The following FKBP5 variants were observed in gnomAD, a reference collection of about 807,000 sequenced individuals.
FKBP5 encodes FKBP prolyl isomerase 5.
A neutral mutation model predicts 50.5 loss-of-function variants in FKBP5; 23 were observed. The observed-to-expected ratio is 0.46, with a 90% CI of 0.33 to 0.65. The LOEUF is 0.65. Ranked by LOEUF, FKBP5 falls within the 30% of genes least tolerant of loss-of-function variation. The pLI is 0.02. For missense variants in FKBP5, 411 were observed against 553.1 expected, an observed-to-expected ratio of 0.74 and a Z score of 2.58; for synonymous variants, 176 against 190.6, an observed-to-expected ratio of 0.92 and a Z score of 0.63.
At chr6:35,596,507 AC>A (rs1452135645) in intron 6 of FKBP5, among the ~76,000 whole-genome samples, 1 of 152,178 alleles carries the variant, frequency 6.6e-6, no homozygotes, top group Non-Finnish European at 1.5e-5. Context: ...TCAGAATCCC[AC>A]TGTCTGAAAT....
rs1269365673 is a variant in FKBP5 at position 35,683,118 on chromosome 6, A to ATG, written c.-20+5685_-20+5686insCA. On this transcript the variant is annotated intron_variant, in intron 1 of 10. Transcript: ENST00000357266. The stretch of plus-strand genomic sequence containing the variant: ...AAAGTGTGTGTGTATATATATACGT[A>ATG]TATGTGTGTGTGTGTGTGTGTGTGT... Among the ~76,000 whole-genome samples the ATG allele has an allele frequency of 2.8e-3, 307 of 108,842 alleles. 27 individuals carry two copies. The highest frequency in any genetic ancestry group is 7.9e-3 in the East Asian group (26 of 3,302). The allele number at this position is 108,842 out of a possible 152,430, so 71.4% of individuals were successfully genotyped here.
At chr6:35,585,258 G>A (rs1762564258) in intron 8 of FKBP5, 2 of 980,782 alleles carry the variant, frequency 2.0e-6, no homozygotes, top group Non-Finnish European at 2.4e-6. Context: ...AAGGACTCAC[G>A]ATCTTAAGAA....
chr6:35,708,002 G>A (rs1766352145), intron 2 of FKBP5, among the ~76,000 whole-genome samples: 1 of 152,116 alleles, frequency 6.6e-6, no homozygotes, highest in Non-Finnish European at 1.5e-5. Context: ...ACAGTAGGTC[G>A]GTCAAGGTGT....
intron 1 of FKBP5, among the ~76,000 whole-genome samples, chr6:35,672,111 G>A (rs1405276449): frequency 3.9e-5 from 6 of 152,022 alleles, no homozygotes; most frequent in Non-Finnish European, 7.4e-5. Flanking sequence ...CTCATGATCC[G>A]CCCACCTCGG....
At chr6:35,624,051 A>C (rs1349833182) in intron 3 of FKBP5, among the ~76,000 whole-genome samples, 1 of 151,744 alleles carries the variant, frequency 6.6e-6, no homozygotes, top group Non-Finnish European at 1.5e-5. Context: ...CTCAGGCTGG[A>C]CTCAAACTCC....
intron 3 of FKBP5, among the ~76,000 whole-genome samples, chr6:35,620,751 T>A (rs948504660): frequency 6.6e-6 from 1 of 152,072 alleles, no homozygotes; most frequent in Non-Finnish European, 1.5e-5. Context: ...TGAGACCCTG[T>A]CTCAAAAAGG....
rs916481623 is a variant in FKBP5 at position 35,577,162 on chromosome 6, C to T, written c.1098G>A (p.Glu366=). 3.7e-6 allele frequency: 6 copies of T among 1,614,048 alleles called. 1 individual carries two copies. In the African/African-American group the frequency reaches 5.3e-5, roughly 14 times the overall value. Reference sequence around the variant, plus strand: ...CAAAGTCACCCTTGGCTGACTCAAACTCGTTCATGAGCAGCTGGGCTTCAC... The same window carrying T: ...CAAAGTCACCCTTGGCTGACTCAAATTCGTTCATGAGCAGCTGGGCTTCAC... The part of the protein sequence containing the change: ...RRGEAQLLMN[E]FESAKGDFEK... Residue 366 remains glutamate, a synonymous_variant, in exon 10 of 11, where the codon GAG becomes GAA. Transcript: ENST00000357266.
intron 1 of FKBP5, among the ~76,000 whole-genome samples, chr6:35,648,596 A>T (rs973283802): frequency 6.6e-6 from 1 of 152,132 alleles, no homozygotes; most frequent in East Asian, 1.9e-4. Flanking sequence ...AATTTTTACA[A>T]CACCATTTGG....
chr6:35,632,515 C>A (rs1007210652), intron 3 of FKBP5, among the ~76,000 whole-genome samples: 1 of 151,814 alleles, frequency 6.6e-6, no homozygotes, highest in Non-Finnish European at 1.5e-5. Context: ...ATAATATATA[C>A]TTATATAATC....
At chr6:35,639,237 G>A (rs1481519431) in intron 2 of FKBP5, among the ~76,000 whole-genome samples, 1 of 152,124 alleles carries the variant, frequency 6.6e-6, no homozygotes, top group Non-Finnish European at 1.5e-5. Context: ...CTATGAGGTT[G>A]ATGGCATTAT....
chr6:35,727,501 C>T (rs1581910392), intron 1 of FKBP5, among the ~76,000 whole-genome samples: 1 of 152,206 alleles, frequency 6.6e-6, no homozygotes, highest in East Asian at 1.9e-4. Flanking sequence ...GGCGTCGTGC[C>T]AGGGATTTCC....
chr6:35,658,159 G>A (rs13215497), intron 1 of FKBP5, among the ~76,000 whole-genome samples: 28,286 of 151,768 alleles, frequency 0.19, 3,300 homozygotes, highest in Admixed American at 0.27. Context: ...GGTGGATCAC[G>A]AGGTTAGGAG....
chr6:35,622,221 G>GT (rs1202341147), intron 3 of FKBP5, among the ~76,000 whole-genome samples: 1 of 152,098 alleles, frequency 6.6e-6, no homozygotes, highest in Non-Finnish European at 1.5e-5. Flanking sequence ...AAAAATATAT[G>GT]TAAGTGGCCA....
At chr6:35,626,369 A>T (rs1371829862) in intron 3 of FKBP5, among the ~76,000 whole-genome samples, 3 of 152,170 alleles carry the variant, frequency 2.0e-5, no homozygotes, top group African/African-American at 7.2e-5. Context: ...ATTATATAAC[A>T]TATTTTAAGA....
At chr6:35,697,575 C>G (rs1766106351) in intron 2 of FKBP5, among the ~76,000 whole-genome samples, 1 of 146,228 alleles carries the variant, frequency 6.8e-6, no homozygotes, top group African/African-American at 2.5e-5. Flanking sequence ...GAATGAAGTA[C>G]TAATAGATGC....
upstream of FKBP5, among the ~76,000 whole-genome samples, chr6:35,692,626 C>T (rs1027197980): frequency 2.6e-5 from 4 of 151,892 alleles, no homozygotes; most frequent in African/African-American, 9.7e-5. Flanking sequence ...TGGTGAAACC[C>T]TGTCTCTACT....
chr6:35,696,511 C>CA (rs5875522), intron 2 of FKBP5, among the ~76,000 whole-genome samples: 110 of 133,206 alleles, frequency 8.3e-4, no homozygotes, highest in African/African-American at 2.4e-3. Context: ...GACTCTGTCT[C>CA]AAAAAAAAAA....
At chr6:35,651,442 T>C (rs1354171577) in intron 1 of FKBP5, among the ~76,000 whole-genome samples, 3 of 152,158 alleles carry the variant, frequency 2.0e-5, no homozygotes, top group Non-Finnish European at 4.4e-5. Context: ...CTGGGGTATG[T>C]TGAGCAAGGG....
chr6:35,676,465 T>A (rs1765524329), intron 1 of FKBP5, among the ~76,000 whole-genome samples: 1 of 152,246 alleles, frequency 6.6e-6, no homozygotes, highest in Non-Finnish European at 1.5e-5. Context: ...AGGCTCGGAA[T>A]GGTTAAGTAA....
Sources: allele counts gnomAD v4.1 joint callset (sites outside exome capture counted in the v4.1 genomes callset), GRCh38; gene constraint gnomAD v4.1.1; transcripts MANE v1.5; gene names NCBI Gene and HGNC (gene_info 2026-07-23, HGNC 2026-07-21).